The following TRPC4 variants were observed in gnomAD, a reference collection of about 807,000 sequenced individuals.
TRPC4 encodes short transient receptor potential channel 4.
Under a neutral mutation model 99.4 loss-of-function variants are expected in TRPC4, and 49 were observed. The ratio of observed to expected loss-of-function variants is 0.49; its 90% CI spans 0.39 to 0.63. The LOEUF is 0.63. Among genes scored for constraint, TRPC4 ranks in the 20% least tolerant of loss-of-function variants. The pLI is 0.00. For missense variants in TRPC4, 898 were observed against 1,152.9 expected (o/e 0.78, Z 3.20); for synonymous variants, 454 against 425.9 (o/e 1.07, Z -0.81).
chr13:37,670,310 A>T (rs1952795903), intron 5 of TRPC4, among the ~76,000 whole-genome samples: 1 of 152,232 alleles, frequency 6.6e-6, no homozygotes, highest in Non-Finnish European at 1.5e-5. Context: ...TCTTTTTCTG[A>T]AAAGAACAAT....
chr13:37,869,038 G>T (rs1034065245), intron 1 of TRPC4, among the ~76,000 whole-genome samples: 2 of 152,006 alleles, frequency 1.3e-5, no homozygotes, highest in Non-Finnish European at 2.9e-5. Flanking sequence ...AGCCTGGGTC[G>T]GGCAACACGG....
At chr13:37,844,716 T>C (rs1315131768) in intron 1 of TRPC4, among the ~76,000 whole-genome samples, 1 of 152,058 alleles carries the variant, frequency 6.6e-6, no homozygotes, top group Admixed American at 6.6e-5. Flanking sequence ...GAATAGATCA[T>C]CTAGTACTGC....
chr13:37,780,281 A>G (rs371240833), intron 2 of TRPC4, among the ~76,000 whole-genome samples: 1 of 152,154 alleles, frequency 6.6e-6, no homozygotes, highest in Non-Finnish European at 1.5e-5. Flanking sequence ...TTTAAAAACT[A>G]CTAAGTGTTC....
intron 3 of TRPC4, among the ~76,000 whole-genome samples, chr13:37,741,946 AC>A (rs1401051248): frequency 6.6e-6 from 1 of 151,490 alleles, no homozygotes; most frequent in Non-Finnish European, 1.5e-5. Flanking sequence ...AAAAAAAAAA[AC>A]AGCAACAAAT....
rs1264988062 is a variant in TRPC4, at chr13:37,633,560, C to A, written c.*3343G>T. ...GCTATTGTTACTTATGTTTCCTCCA[C>A]CTTTGCTAGAAAATTGACTTTGCTT... On this transcript the variant is annotated 3_prime_UTR_variant, in exon 11 of 11. Transcript: ENST00000379705. Among the ~76,000 whole-genome samples the A allele has an allele frequency of 6.6e-6, 1 of 152,108 alleles. No homozygotes were observed. Among genetic ancestry groups the A allele is most frequent in the African/African-American group, 2.4e-5 (1 of 41,430 alleles).
At chr13:37,723,223 A>C (rs1450152864) in intron 3 of TRPC4, among the ~76,000 whole-genome samples, 1 of 152,228 alleles carries the variant, frequency 6.6e-6, no homozygotes, top group Non-Finnish European at 1.5e-5. Flanking sequence ...ATTAACACAG[A>C]AAAGTGTAAA....
chr13:37,829,498 A>G lies in TRPC4; in HGVS notation c.-28+40097T>C, dbSNP rs370135016. On this transcript the variant is annotated intron_variant, in intron 1 of 10. Transcript: ENST00000379705. ...AAAATAGCAAGTGTTGGTAAGGACGAGGCGAAATGGGAATCTTTGTGCATT... is the reference window on the plus strand; with the variant it reads ...AAAATAGCAAGTGTTGGTAAGGACGGGGCGAAATGGGAATCTTTGTGCATT... Among the ~76,000 whole-genome samples the G allele has an allele frequency of 4.6e-5, 7 of 152,332 alleles. No homozygotes were observed. In the East Asian group the frequency reaches 1.2e-3, roughly 25 times the overall value.
At chr13:37,672,744 T>G (rs1446021523) in intron 5 of TRPC4, among the ~76,000 whole-genome samples, 2 of 152,202 alleles carry the variant, frequency 1.3e-5, no homozygotes, top group Non-Finnish European at 2.9e-5. Context: ...ATGCATAATC[T>G]CCTTTGGTTA....
intron 3 of TRPC4, among the ~76,000 whole-genome samples, chr13:37,726,401 T>C (rs973401546): frequency 6.6e-6 from 1 of 152,052 alleles, no homozygotes; most frequent in African/African-American, 2.4e-5. Context: ...GTTATTGAAG[T>C]TAAGATGGTA....
At chr13:37,777,159 T>C (rs1382134060) in intron 2 of TRPC4, among the ~76,000 whole-genome samples, 4 of 151,942 alleles carry the variant, frequency 2.6e-5, no homozygotes, top group Non-Finnish European at 5.9e-5. Context: ...TCTCCCTGAA[T>C]TGGGTTTCTG....
intron 3 of TRPC4, among the ~76,000 whole-genome samples, chr13:37,733,577 G>C (rs1246727017): frequency 6.6e-6 from 1 of 152,042 alleles, no homozygotes; most frequent in African/African-American, 2.4e-5. Flanking sequence ...AAATAATAAA[G>C]ATAATATTGA....
At chr13:37,651,045 T>G (rs573594348) in intron 8 of TRPC4, among the ~76,000 whole-genome samples, 3 of 152,168 alleles carry the variant, frequency 2.0e-5, no homozygotes, top group Non-Finnish European at 4.4e-5. Context: ...GGACTTCTAT[T>G]AAAATAGTAG....
intron 2 of TRPC4, among the ~76,000 whole-genome samples, chr13:37,768,809 A>G (rs1218356787): frequency 6.6e-6 from 1 of 151,338 alleles, no homozygotes; most frequent in Non-Finnish European, 1.5e-5. Context: ...TCCTAGGAAG[A>G]AGCAAAGACT....
chr13:37,718,239 C>T (rs1954746227), intron 3 of TRPC4, among the ~76,000 whole-genome samples: 2 of 151,842 alleles, frequency 1.3e-5, no homozygotes, highest in African/African-American at 4.8e-5. Context: ...TAGAGAAGTA[C>T]TGAACTGAGA....
At chr13:37,706,737 G>A (rs1954296064) in intron 3 of TRPC4, among the ~76,000 whole-genome samples, 1 of 150,072 alleles carries the variant, frequency 6.7e-6, no homozygotes, top group Non-Finnish European at 1.5e-5. Context: ...TGTTTGGTTT[G>A]TTTGTTCTTG....
intron 1 of TRPC4, among the ~76,000 whole-genome samples, chr13:37,797,045 T>C (rs1235341714): frequency 6.9e-6 from 1 of 144,928 alleles, no homozygotes; most frequent in Non-Finnish European, 1.5e-5. Flanking sequence ...CTGGGCATGG[T>C]GGCTCACGCT....
chr13:37,664,610 A>T (rs746878676), intron 5 of TRPC4, among the ~76,000 whole-genome samples: 15 of 152,142 alleles, frequency 9.9e-5, no homozygotes, highest in Non-Finnish European at 2.1e-4. Context: ...GCTCTTTTAG[A>T]TATTGCAGTA....
chr13:37,726,835 TAA>T (rs890200510), intron 3 of TRPC4, among the ~76,000 whole-genome samples: 5 of 151,752 alleles, frequency 3.3e-5, no homozygotes, highest in African/African-American at 1.2e-4. Flanking sequence ...AGATTTTAAA[TAA>T]AAAAGGTGAA....
intron 3 of TRPC4, among the ~76,000 whole-genome samples, chr13:37,693,530 C>T (rs1953800823): frequency 6.6e-6 from 1 of 152,164 alleles, no homozygotes; most frequent in African/African-American, 2.4e-5. Flanking sequence ...CCACATTTCC[C>T]ATCTTTCTTC....
Sources: allele counts gnomAD v4.1 joint callset (sites outside exome capture counted in the v4.1 genomes callset), GRCh38; gene constraint gnomAD v4.1.1; transcripts MANE v1.5; gene names NCBI Gene and HGNC (gene_info 2026-07-23, HGNC 2026-07-21).